The following CDH13 variants were observed in gnomAD, a reference collection of about 807,000 sequenced individuals.
The protein encoded by CDH13 is cadherin-13.
Under a neutral mutation model 63.8 loss-of-function variants are expected in CDH13, and 24 were observed. The ratio of observed to expected loss-of-function variants is 0.38; its 90% CI spans 0.27 to 0.53. The LOEUF (loss-of-function observed/expected upper bound fraction) is 0.53, where lower values mean the gene tolerates loss of function less well. Ranked by LOEUF, CDH13 falls within the 20% of genes least tolerant of loss-of-function variation. CDH13 has a pLI of 0.85. For missense variants in CDH13, 1,049 were observed against 903.1 expected, an observed-to-expected ratio of 1.16 and a Z score of -2.07; for synonymous variants, 503 against 355.3, an observed-to-expected ratio of 1.42 and a Z score of -4.67.
intron 8 of CDH13, among the ~76,000 whole-genome samples, chr16:83,604,751 T>A (rs1862727): frequency 1.3e-5 from 2 of 152,050 alleles, no homozygotes; most frequent in African/African-American, 4.8e-5. Flanking sequence ...CAATATAAAC[T>A]TAACGATGGG....
At chr16:83,275,475 A>T (rs1359954324) in intron 5 of CDH13, among the ~76,000 whole-genome samples, 1 of 152,198 alleles carries the variant, frequency 6.6e-6, no homozygotes. Context: ...ATTAGTGCTC[A>T]TGCAGGCTTC....
chr16:83,226,548 A>T (rs149785167), intron 5 of CDH13, among the ~76,000 whole-genome samples: 228 of 152,312 alleles, frequency 1.5e-3, no homozygotes, highest in African/African-American at 4.8e-3. Flanking sequence ...GAATGAATAA[A>T]TGACAGGATG....
At chr16:83,029,360 G>C (rs12445124) in intron 2 of CDH13, among the ~76,000 whole-genome samples, 1 of 152,088 alleles carries the variant, frequency 6.6e-6, no homozygotes. Context: ...ATGTACACAA[G>C]AAAGTTCCTA....
intron 4 of CDH13, among the ~76,000 whole-genome samples, chr16:83,147,113 C>T (rs537786012): frequency 6.6e-6 from 1 of 152,244 alleles, no homozygotes; most frequent in Non-Finnish European, 1.5e-5. Context: ...GGAGGCTGCA[C>T]TCCAAAGGTG....
chr16:82,934,598 G>A (rs961294371), intron 2 of CDH13, among the ~76,000 whole-genome samples: 1 of 152,098 alleles, frequency 6.6e-6, no homozygotes, highest in Non-Finnish European at 1.5e-5. Flanking sequence ...CTTTTCTATT[G>A]CATTGTCAGG....
At chr16:82,849,332 T>C (rs1181907705) in intron 1 of CDH13, among the ~76,000 whole-genome samples, 1 of 152,052 alleles carries the variant, frequency 6.6e-6, no homozygotes, top group Non-Finnish European at 1.5e-5. Flanking sequence ...TGAAGCCCTG[T>C]CTCTACTAAA....
Position 83,216,443 on chromosome 16 carries a change from T to TATATATATATATATATAC in CDH13, c.484-901_484-900insTATATATATATATATACA, listed in dbSNP as rs1472700247. 1.3e-4 allele frequency among the ~76,000 whole-genome samples: 12 copies of TATATATATATATATATAC among 93,420 alleles called. 2 individuals are homozygous for TATATATATATATATATAC. The highest frequency in any genetic ancestry group is 2.0e-4 in the African/African-American group (5 of 25,348). The allele number at this position is 93,420 out of a possible 152,430, so 61.3% of individuals were successfully genotyped here. The stretch of plus-strand genomic sequence containing the variant: ...ATATATATATATATATATATATATA[T>TATATATATATATATATAC]ACACAACCCTAATTTGAGGTTTATA... On this transcript the variant is annotated intron_variant, in intron 4 of 13. Transcript: ENST00000567109.
intron 6 of CDH13, among the ~76,000 whole-genome samples, chr16:83,395,706 T>A (rs1189269235): frequency 6.6e-6 from 1 of 152,118 alleles, no homozygotes; most frequent in Non-Finnish European, 1.5e-5. Flanking sequence ...AGGGTAGATA[T>A]CACATAGTGG....
chr16:83,578,630 A>G (rs77899675), intron 7 of CDH13, among the ~76,000 whole-genome samples: 3,998 of 152,316 alleles, frequency 0.026, 115 homozygotes, highest in African/African-American at 0.065. Context: ...TTTAATGAGC[A>G]TCTATTAATA....
At chr16:83,528,527 G>C (rs549831758) in intron 7 of CDH13, among the ~76,000 whole-genome samples, 1 of 152,186 alleles carries the variant, frequency 6.6e-6, no homozygotes, top group African/African-American at 2.4e-5. Context: ...GGTCGTCTAA[G>C]AGCCCTTGGG....
At chr16:83,401,261 C>T (rs931439039) in intron 6 of CDH13, among the ~76,000 whole-genome samples, 5 of 151,790 alleles carry the variant, frequency 3.3e-5, no homozygotes, top group Non-Finnish European at 5.9e-5. Flanking sequence ...ATCGCTTGAA[C>T]CCAGGAGGCA....
At chr16:83,266,208 G>A (rs1253203175) in intron 5 of CDH13, among the ~76,000 whole-genome samples, 6 of 152,030 alleles carry the variant, frequency 3.9e-5, no homozygotes, top group Admixed American at 3.9e-4. Flanking sequence ...AAAGTTCTGG[G>A]ATTACATACA....
At chr16:82,804,789 T>G (rs1194844208) in intron 1 of CDH13, among the ~76,000 whole-genome samples, 1 of 152,212 alleles carries the variant, frequency 6.6e-6, no homozygotes, top group Non-Finnish European at 1.5e-5. Flanking sequence ...ATGACCCATT[T>G]GCATAGTTTT....
intron 2 of CDH13, among the ~76,000 whole-genome samples, chr16:82,970,502 C>A (rs1453445910): frequency 7.4e-6 from 1 of 135,542 alleles, no homozygotes; most frequent in East Asian, 2.3e-4. Context: ...CGGGTTCACG[C>A]CATTCTCCTG....
chr16:82,746,315 C>T (rs7197336), intron 1 of CDH13, among the ~76,000 whole-genome samples: 37,849 of 140,586 alleles, frequency 0.27, 5,556 homozygotes, highest in South Asian at 0.38. Flanking sequence ...ATATTTTAAA[C>T]AATTTCTAAG....
chr16:83,600,978 G>T (rs1370043117), intron 7 of CDH13, among the ~76,000 whole-genome samples: 1 of 152,014 alleles, frequency 6.6e-6, no homozygotes. Flanking sequence ...GACTCCTCTA[G>T]CTCCCCCTGC....
intron 2 of CDH13, among the ~76,000 whole-genome samples, chr16:82,986,231 C>G (rs1910919806): frequency 6.6e-6 from 1 of 152,150 alleles, no homozygotes; most frequent in African/African-American, 2.4e-5. Context: ...TGTGAATTTT[C>G]ATATTGGTAC....
In CDH13 at chr16:82,644,145, C is replaced by T. The variant is rs1331154854; in HGVS notation, c.45+17008C>T. Among the ~76,000 whole-genome samples, 1 of 152,072 alleles carries T rather than the reference C, an allele frequency of 6.6e-6. No individual in the cohort carries two copies. The highest frequency in any genetic ancestry group is 1.5e-5 in the Non-Finnish European group (1 of 68,014). Reference sequence around the variant, plus strand: ...TTGTACTCAAGTTGATAGCAGATTGCTGAAGGATTTAGGATTTACCCAAAT... The same window carrying T: ...TTGTACTCAAGTTGATAGCAGATTGTTGAAGGATTTAGGATTTACCCAAAT... On this transcript the variant is annotated intron_variant, in intron 1 of 13. Coordinates refer to ENST00000567109, the MANE Select transcript of CDH13 (RefSeq NM_001257.5). This position sits in a 1 kb window ranked among gnomAD's most constrained non-coding sequence, Gnocchi z 5.7.
intron 10 of CDH13, among the ~76,000 whole-genome samples, chr16:83,681,950 G>C (rs1915443157): frequency 1.3e-5 from 2 of 152,176 alleles, no homozygotes; most frequent in Non-Finnish European, 2.9e-5. Flanking sequence ...AGCTGGAAAA[G>C]AACTCTTCCT....
Sources: gnomAD v4.1 joint callset for allele counts (sites outside exome capture counted in the v4.1 genomes callset) on GRCh38, gnomAD v4.1.1 for gene constraint, Gnocchi (gnomAD v3.1) non-coding constraint, MANE v1.5 for transcripts, NCBI Gene and HGNC (gene_info 2026-07-23, HGNC 2026-07-21) for gene names.